HHLA1: variants seen among roughly 807,000 people sequenced by gnomAD.
HHLA1 encodes the protein HHLA1 neighbor of OC90.
A neutral mutation model predicts 69.9 loss-of-function variants in HHLA1; 72 were observed. That is an observed-to-expected ratio of 1.03 (90% CI 0.85 to 1.25). The LOEUF is 1.25. Ranked by LOEUF, HHLA1 falls within the 50% of genes most tolerant of loss-of-function variation. The probability of loss-of-function intolerance (pLI) is 0.00; values close to 1 mark genes in which losing one functional copy is unlikely to be tolerated. For missense variants in HHLA1, 685 were observed against 642.2 expected (o/e 1.07, Z -0.72); for synonymous variants, 252 against 233.2 (o/e 1.08, Z -0.73).
chr8:132,064,981 G>A (rs894095370), intron 16 of HHLA1, among the ~76,000 whole-genome samples: 1 of 152,106 alleles, frequency 6.6e-6, no homozygotes, highest in African/African-American at 2.4e-5. Flanking sequence ...TTATATTTGG[G>A]TTACAGTAAG....
intron 14 of HHLA1, among the ~76,000 whole-genome samples, chr8:132,073,677 C>T (rs1823587009): frequency 6.6e-6 from 1 of 152,140 alleles, no homozygotes; most frequent in Admixed American, 6.5e-5. Flanking sequence ...TTAACATTCC[C>T]AAGGCTTGAT....
At chr8:132,071,558 A>C in intron 14 of HHLA1, 65 bp from the exon 15 acceptor site, 1 of 1,460,056 alleles carries the variant, frequency 6.8e-7, no homozygotes, top group Non-Finnish European at 9.3e-7. Flanking sequence ...CTCTTCGTTA[A>C]GCCCTGCATC....
chr8:132,110,508 C>A (rs895359630), intron 1 of HHLA1, among the ~76,000 whole-genome samples: 1 of 152,192 alleles, frequency 6.6e-6, no homozygotes, highest in Admixed American at 6.5e-5. Context: ...ATCTGATGTG[C>A]TAGGAGTTTT....
At chr8:132,087,764 C>T in intron 9 of HHLA1, 25 bp from the exon 10 acceptor site, 1 of 1,545,976 alleles carries the variant, frequency 6.5e-7, no homozygotes, top group Non-Finnish European at 8.8e-7. Flanking sequence ...CCAACAGGGT[C>T]AGATCTTGGG....
chr8:132,104,191 C>T, intron 2 of HHLA1, 24 bp from the exon 3 acceptor site: 2 of 1,512,122 alleles, frequency 1.3e-6, no homozygotes, highest in African/African-American at 1.4e-5. Context: ...GGTTTAATCA[C>T]AGAAATTATA....
At chr8:132,073,173 C>T (rs1823577863) in intron 14 of HHLA1, among the ~76,000 whole-genome samples, 1 of 151,952 alleles carries the variant, frequency 6.6e-6, no homozygotes, top group Non-Finnish European at 1.5e-5. Flanking sequence ...GAGATGGGGC[C>T]TTGCTATGTT....
chr8:132,070,531 C>T (rs1206621641), intron 15 of HHLA1, among the ~76,000 whole-genome samples: 2 of 152,202 alleles, frequency 1.3e-5, no homozygotes, highest in African/African-American at 2.4e-5. Context: ...CTTAACTCAA[C>T]ACAACATATC....
chr8:132,073,022 G>C (rs529204731), intron 14 of HHLA1, among the ~76,000 whole-genome samples: 1 of 151,928 alleles, frequency 6.6e-6, no homozygotes, highest in East Asian at 1.9e-4. Context: ...ACATCTTTCT[G>C]GTTTCCTCAT....
At chr8:132,108,414 A>T (rs1481089059) in intron 1 of HHLA1, among the ~76,000 whole-genome samples, 2 of 152,330 alleles carry the variant, frequency 1.3e-5, no homozygotes, top group East Asian at 3.9e-4. Context: ...GAGTCCTCAA[A>T]GTTATATCTT....
chr8:132,071,220 C>A (rs1225215833), intron 15 of HHLA1, 120 bp downstream of exon 15: 9 of 783,388 alleles, frequency 1.1e-5, no homozygotes, highest in Admixed American at 1.1e-4. Context: ...CTTGAGGTAA[C>A]CCCTACTGCC....
At chr8:132,077,469 A>T (rs1205711687) in intron 12 of HHLA1, among the ~76,000 whole-genome samples, 1 of 152,112 alleles carries the variant, frequency 6.6e-6, no homozygotes, top group African/African-American at 2.4e-5. Flanking sequence ...ACAGGGAAAA[A>T]GAGAAGAAAT....
At chr8:132,098,376 A>G (rs938778095) in intron 5 of HHLA1, among the ~76,000 whole-genome samples, 1 of 152,204 alleles carries the variant, frequency 6.6e-6, no homozygotes, top group African/African-American at 2.4e-5. Flanking sequence ...CAAACATACC[A>G]TGTCTGTATT....
At chr8:132,092,718 A>G (rs565236988) in intron 7 of HHLA1, among the ~76,000 whole-genome samples, 2 of 152,338 alleles carry the variant, frequency 1.3e-5, no homozygotes, top group South Asian at 2.1e-4. Flanking sequence ...CTGCAGAACC[A>G]TGAGCTGATT....
chr8:132,073,457 G>A (rs1823582974), intron 14 of HHLA1, among the ~76,000 whole-genome samples: 1 of 152,188 alleles, frequency 6.6e-6, no homozygotes, highest in African/African-American at 2.4e-5. Flanking sequence ...CAGTTGCTAT[G>A]TATCAGGCAC....
At chr8:132,076,763 G>A (rs1823652554) in intron 12 of HHLA1, among the ~76,000 whole-genome samples, 1 of 152,186 alleles carries the variant, frequency 6.6e-6, no homozygotes, top group South Asian at 2.1e-4. Flanking sequence ...CAGCGTGATG[G>A]TTGCCATTGG....
Position 132,077,844 on chromosome 8 carries a change from A to G in HHLA1, c.1053T>C (p.Arg351=). 6.4e-7 allele frequency: 1 copy of G among 1,551,518 alleles called. No homozygotes were observed. The highest frequency in any genetic ancestry group is 1.2e-5 in the South Asian group (1 of 84,042). ...KKPGGSLWET[R]SSPPTTAGTE... ...TCCCTGCAGTAGTCGGTGGGGAAGA[A>G]CGAGTTTCCCAGAGAGACCCTCCAG... The change falls in exon 12 of 17, where the codon CGT becomes CGC. Residue 351 remains arginine, a synonymous_variant. Transcript: ENST00000414222.
chr8:132,086,436 G>A (rs905793779), intron 10 of HHLA1, among the ~76,000 whole-genome samples: 1 of 152,194 alleles, frequency 6.6e-6, no homozygotes, highest in Admixed American at 6.5e-5. Flanking sequence ...ACACCAGCCT[G>A]AGCCTTGCTC....
At chr8:132,103,701 T>C (rs2130900705) in intron 3 of HHLA1, among the ~76,000 whole-genome samples, 1 of 152,226 alleles carries the variant, frequency 6.6e-6, no homozygotes, top group South Asian at 2.1e-4. Flanking sequence ...ACCAAAAAAT[T>C]GTACTGCTTG....
chr8:132,104,729 G>C (rs910216159), intron 2 of HHLA1, among the ~76,000 whole-genome samples: 2 of 152,162 alleles, frequency 1.3e-5, no homozygotes, highest in Admixed American at 1.3e-4. Flanking sequence ...GAGGGAGGCA[G>C]GGTCACGCAG....
Sources: gnomAD v4.1 joint callset for allele counts (sites outside exome capture counted in the v4.1 genomes callset) on GRCh38, gnomAD v4.1.1 for gene constraint, MANE v1.5 for transcripts, NCBI Gene and HGNC (gene_info 2026-07-23, HGNC 2026-07-21) for gene names.